The following LARGE1 variants were observed in gnomAD, a reference collection of about 807,000 sequenced individuals.
LARGE1 encodes the protein LARGE xylosyl- and glucuronyltransferase 1.
A neutral mutation model predicts 87.6 loss-of-function variants in LARGE1; 43 were observed. That is an observed-to-expected ratio of 0.49 (90% CI 0.38 to 0.63). LARGE1 has a LOEUF of 0.63. Ranked by LOEUF, LARGE1 falls within the 30% of genes least tolerant of loss-of-function variation. The pLI is 0.00. For synonymous variants in LARGE1, 434 were observed against 394.6 expected, an observed-to-expected ratio of 1.10 and a Z score of -1.18; for missense variants, 802 against 1,000.2, an observed-to-expected ratio of 0.80 and a Z score of 2.67.
chr22:33,684,214 G>A (rs969468378), intron 2 of LARGE1, among the ~76,000 whole-genome samples: 2 of 152,118 alleles, frequency 1.3e-5, no homozygotes, highest in African/African-American at 4.8e-5. Context: ...ACTGTTGTGT[G>A]ACTGGAATCC....
At chr22:33,556,560 G>GGC in intron 6 of LARGE1, among the ~76,000 whole-genome samples, 1 of 76,878 alleles carries the variant, frequency 1.3e-5, no homozygotes, top group African/African-American at 6.6e-5. Context: ...GGGAGGGAGG[G>GGC]AGGGAGGCAG....
At chr22:33,093,489 A>G in the LARGE1 span, among the ~76,000 whole-genome samples, 2 of 152,306 alleles carry the variant, frequency 1.3e-5, no homozygotes, top group African/African-American at 4.8e-5. Context: ...AGGGGTAGTA[A>G]ATAATTTCAG....
intron 1 of LARGE1, among the ~76,000 whole-genome samples, chr22:33,779,382 C>T (rs2085346395): frequency 6.7e-6 from 1 of 150,104 alleles, no homozygotes; most frequent in South Asian, 2.2e-4. Flanking sequence ...CCATACATTA[C>T]ACACAATAGT....
chr22:33,672,602 T>C lies in LARGE1; in HGVS notation c.107-21934A>G, dbSNP rs539421500. On this transcript the variant is annotated intron_variant, in intron 2 of 14. Transcript: ENST00000397394. ...ACCAATTTGGGTGGGGAAGTAAGTC[T>C]ATCTGGTTGAGACACATTCTCTAAA... Among the ~76,000 whole-genome samples the C allele has an allele frequency of 3.3e-5, 5 of 152,364 alleles. No homozygotes were observed. The East Asian group carries it at 9.6e-4, about 29-fold the overall frequency.
chr22:33,636,261 C>T (rs563269093), intron 3 of LARGE1, among the ~76,000 whole-genome samples: 1 of 152,218 alleles, frequency 6.6e-6, no homozygotes, highest in Admixed American at 6.5e-5. Flanking sequence ...TAACAACACC[C>T]CAATACTGAT....
chr22:33,807,970 G>C (rs1235428742), intron 1 of LARGE1, among the ~76,000 whole-genome samples: 1 of 152,228 alleles, frequency 6.6e-6, no homozygotes, highest in African/African-American at 2.4e-5. Context: ...AAACACCTAT[G>C]TGAAGGTTTC....
At chr22:33,249,837 C>A (rs1926934576) in intron 11 of LARGE1, among the ~76,000 whole-genome samples, 1 of 152,178 alleles carries the variant, frequency 6.6e-6, no homozygotes, top group Admixed American at 6.5e-5. Context: ...TGTCAAAGAT[C>A]AGCTGACTAT....
At chr22:33,401,052 A>T (rs186689154) in intron 7 of LARGE1, among the ~76,000 whole-genome samples, 1 of 151,472 alleles carries the variant, frequency 6.6e-6, no homozygotes, top group African/African-American at 2.4e-5. Flanking sequence ...GAGGAAAGAG[A>T]GTGTGTTTCT....
intron 2 of LARGE1, among the ~76,000 whole-genome samples, chr22:33,740,835 C>T (rs1048042618): frequency 6.6e-6 from 1 of 152,198 alleles, no homozygotes; most frequent in African/African-American, 2.4e-5. Context: ...CCCCCGCCAC[C>T]GCCATCCTCA....
chr22:33,184,642 G>T (rs888736306), intron 11 of LARGE1, among the ~76,000 whole-genome samples: 1 of 151,938 alleles, frequency 6.6e-6, no homozygotes, highest in Admixed American at 6.6e-5. Context: ...GGAATGAAAA[G>T]ATAAGCTACA....
At chr22:33,384,376 C>T in intron 7 of LARGE1, 72 bp from the exon 8 acceptor site, 2 of 1,044,994 alleles carry the variant, frequency 1.9e-6, no homozygotes, top group South Asian at 2.6e-5. Context: ...CACCTACTCA[C>T]ATCACAGCCA....
chr22:33,260,755 C>G (rs1927583536), intron 11 of LARGE1, among the ~76,000 whole-genome samples: 1 of 152,144 alleles, frequency 6.6e-6, no homozygotes, highest in Admixed American at 6.6e-5. Context: ...GCTTTTCAAC[C>G]TTTGCTTCCT....
upstream of LARGE1, among the ~76,000 whole-genome samples, chr22:33,922,060 C>G (rs2147029876): frequency 6.6e-6 from 1 of 152,208 alleles, no homozygotes; most frequent in East Asian, 1.9e-4. Context: ...TCCCCTTCCC[C>G]CCGGGTCTCC....
At chr22:33,137,332 G>A in the LARGE1 span, 1 of 152,372 alleles carries the variant, frequency 6.6e-6, no homozygotes, top group African/African-American at 2.4e-5. Context: ...GTGAATATTT[G>A]GCTAATGAGG....
At chr22:33,304,533 G>T in intron 11 of LARGE1, 26 bp from the exon 12 acceptor site, 1 of 1,545,848 alleles carries the variant, frequency 6.5e-7, no homozygotes, top group Non-Finnish European at 8.7e-7. Context: ...AGGGTGAGCC[G>T]CGGGACCTGG....
chr22:33,581,300 T>C (rs1172358162), intron 5 of LARGE1, among the ~76,000 whole-genome samples: 1 of 152,180 alleles, frequency 6.6e-6, no homozygotes, highest in Non-Finnish European at 1.5e-5. Flanking sequence ...GGGAAACAGA[T>C]GGAATTAAGA....
chr22:33,658,994 A>G (rs1237875136), intron 2 of LARGE1, among the ~76,000 whole-genome samples: 3 of 152,158 alleles, frequency 2.0e-5, no homozygotes, highest in Non-Finnish European at 4.4e-5. Flanking sequence ...AGCAGCTTCC[A>G]TCATGTGACC....
At chr22:33,565,629 A>G (rs1263382228) in intron 5 of LARGE1, among the ~76,000 whole-genome samples, 1 of 151,650 alleles carries the variant, frequency 6.6e-6, no homozygotes, top group African/African-American at 2.4e-5. Context: ...CATAGGACAG[A>G]AGGAGGACCT....
At chr22:33,553,574 C>T (rs2077591215) in intron 6 of LARGE1, among the ~76,000 whole-genome samples, 1 of 152,146 alleles carries the variant, frequency 6.6e-6, no homozygotes, top group South Asian at 2.1e-4. Flanking sequence ...GAAGCTAACA[C>T]TGTCAAGAGC....
Sources: gnomAD v4.1 joint callset for allele counts (sites outside exome capture counted in the v4.1 genomes callset) on GRCh38, gnomAD v4.1.1 for gene constraint, MANE v1.5 for transcripts, NCBI Gene and HGNC (gene_info 2026-07-23, HGNC 2026-07-21) for gene names.